CCDC110: variants seen among roughly 807,000 people sequenced by gnomAD.
CCDC110 encodes the protein coiled-coil domain containing 110, also known as coiled-coil domain-containing protein 110.
In CCDC110, 70 loss-of-function variants were observed where a neutral mutation model predicts 77.1. That is an observed-to-expected ratio of 0.91 (90% confidence interval 0.75 to 1.11). CCDC110 has a LOEUF of 1.11. CCDC110 is among the 50% of genes least tolerant of loss of function. The pLI is 0.00. For synonymous variants in CCDC110, 295 were observed against 312.5 expected (o/e 0.94, Z 0.59); for missense variants, 868 against 942.9 (o/e 0.92, Z 1.04).
At chr4:185,449,557 C>T (rs1002364970) in intron 6 of CCDC110, 8 of 1,309,242 alleles carry the variant, frequency 6.1e-6, no homozygotes, top group Non-Finnish European at 8.5e-6. Context: ...ATTTGACTTG[C>T]ACCTATAAAA....
chr4:185,453,625 G>A (rs550126392), intron 6 of CCDC110, among the ~76,000 whole-genome samples: 2 of 144,754 alleles, frequency 1.4e-5, no homozygotes, highest in Admixed American at 7.4e-5. Context: ...ATGGCTCACT[G>A]CAGCCTCAAC....
At chr4:185,467,128 G>T (rs888947796) in intron 2 of CCDC110, among the ~76,000 whole-genome samples, 1 of 152,232 alleles carries the variant, frequency 6.6e-6, no homozygotes, top group East Asian at 1.9e-4. Context: ...ATTTGAAGAA[G>T]AATTTTCTGT....
intron 6 of CCDC110, 21 bp downstream of exon 6, chr4:185,458,105 A>C (rs1408677185): frequency 1.3e-6 from 2 of 1,482,160 alleles, no homozygotes; most frequent in South Asian, 2.8e-5. Flanking sequence ...CATCTCTACT[A>C]ATCTACCAGG....
chr4:185,462,973 T>C lies in CCDC110; in HGVS notation c.171+21A>G, dbSNP rs201879897. 3.7e-5 allele frequency: 59 copies of C among 1,598,362 alleles called. No homozygotes were observed. In the Admixed American group the frequency reaches 3.8e-4, roughly 10 times the overall value. On this transcript the variant is annotated intron_variant, in intron 3 of 6. Coordinates refer to ENST00000307588, the MANE Select transcript of CCDC110 (RefSeq NM_152775.4). ...CCTTTACCCAGAATTTTGGAGATGA[T>C]AAAATGGAATATAGACTCACTTTCA...
chr4:185,459,224 G>T lies in CCDC110; in HGVS notation c.1363C>A (p.Leu455Ile), dbSNP rs749948631. The T allele has an allele frequency of 3.1e-6, 5 of 1,605,910 alleles. No individual in the cohort carries two copies. Among genetic ancestry groups the T allele is most frequent in the Non-Finnish European group, 4.2e-6 (5 of 1,177,700 alleles). The change falls in exon 6 of 7, where the codon CTT (leucine) becomes ATT (isoleucine). Residue 455 changes from leucine (L) to isoleucine (I), a missense_variant. Transcript: ENST00000307588. ...ATAAGAGGTTTCATTTTGGACTTAAGGTTTAGATTTTCACTCTCCAGTTCC... is the reference window on the plus strand; with the variant it reads ...ATAAGAGGTTTCATTTTGGACTTAATGTTTAGATTTTCACTCTCCAGTTCC... ...VMELESENLN[L>I]KSKMKPLIFT...
chr4:185,457,824 A>G, intron 6 of CCDC110: 1 of 1,390,600 alleles, frequency 7.2e-7, no homozygotes, highest in Non-Finnish European at 9.6e-7. Flanking sequence ...TCCTAGGGAA[A>G]AAAAAAAGAA....
intron 2 of CCDC110, among the ~76,000 whole-genome samples, chr4:185,467,298 A>C (rs2095658017): frequency 6.6e-6 from 1 of 152,216 alleles, no homozygotes; most frequent in African/African-American, 2.4e-5. Context: ...CTATTAACAT[A>C]ACTTTCTGTT....
Position 185,461,062 on chromosome 4 carries a change from A to G in CCDC110, c.335T>C (p.Ile112Thr), listed in dbSNP as rs1235133843. 1 of 1,550,772 alleles carries G rather than the reference A, an allele frequency of 6.4e-7. No individual in the cohort carries two copies. The highest frequency in any genetic ancestry group is 8.8e-7 in the Non-Finnish European group (1 of 1,138,190). Residue 112 changes from isoleucine to threonine, a missense_variant, in exon 5 of 7, where the codon ATT becomes ACT. Ile to Thr is a moderately conservative substitution (Grantham distance 89). Transcript: ENST00000307588. ...SEKNLVFGTR[I>T]EKDLPTENQE... Reference sequence around the variant, plus strand: ...AGAATAACATACCAAATCCTTTTCAATGCGCGTGCCAAACACCAGATTTTT... The same window carrying G: ...AGAATAACATACCAAATCCTTTTCAGTGCGCGTGCCAAACACCAGATTTTT...
In CCDC110 at chr4:185,458,146, G is replaced by C. The variant is rs1159817899; in HGVS notation, c.2441C>G (p.Pro814Arg). The C allele has an allele frequency of 1.9e-6, 3 of 1,568,618 alleles. No individual in the cohort carries two copies. Among genetic ancestry groups the C allele is most frequent in the Non-Finnish European group, 1.7e-6 (2 of 1,166,204 alleles). The change falls in exon 6 of 7, where the codon CCT becomes CGT. Residue 814 changes from proline (P) to arginine (R), a missense_variant. By Grantham distance (103) the Pro-to-Arg change is moderately radical (BLOSUM62 -2). Transcript: ENST00000307588. ...HEDTSSPQSR[P>R]LASDLKGYFK... ...CGTACCTTTCAAATCCGAAGCCAAA[G>C]GCCTACTCTGAGGACTAGAAGTATC...
chr4:185,457,052 G>T (rs1436479366), intron 6 of CCDC110: 4 of 311,180 alleles, frequency 1.3e-5, no homozygotes, highest in African/African-American at 6.6e-5. Flanking sequence ...TATATTAAAA[G>T]AATAATACAA....
At position 185,458,220 on chromosome 4, in the gene CCDC110, A is replaced by G; in HGVS notation, c.2367T>C (p.Thr789=). 1 of 1,605,176 alleles carries G rather than the reference A, an allele frequency of 6.2e-7. No individual in the cohort carries two copies. The highest frequency in any genetic ancestry group is 8.5e-7 in the Non-Finnish European group (1 of 1,177,656). ...CNQHNDPSKT[T]YISRREKFHF... is the part of the protein sequence containing the mutation. Reference sequence around the variant, plus strand: ...GGAATTTCTCTCTTCTTGAAATGTAAGTTGTTTTTGAAGGGTCATTATGCT... The same window carrying G: ...GGAATTTCTCTCTTCTTGAAATGTAGGTTGTTTTTGAAGGGTCATTATGCT... Residue 789 remains threonine (T), a synonymous_variant, in exon 6 of 7, where the codon ACT becomes ACC. Transcript: ENST00000307588.
intron 6 of CCDC110, among the ~76,000 whole-genome samples, chr4:185,446,344 G>A (rs1489513537): frequency 6.6e-6 from 1 of 152,144 alleles, no homozygotes; most frequent in African/African-American, 2.4e-5. Flanking sequence ...AGTTGATACT[G>A]TCTTAAAACT....
intron 6 of CCDC110, among the ~76,000 whole-genome samples, chr4:185,454,483 G>A (rs2095633452): frequency 6.6e-6 from 1 of 152,002 alleles, no homozygotes. Context: ...GGAGGCTGAG[G>A]CGGGAGGATC....
intron 4 of CCDC110, 100 bp downstream of exon 4, chr4:185,462,543 A>G: frequency 1.1e-6 from 1 of 888,454 alleles, no homozygotes; most frequent in East Asian, 2.5e-5. Context: ...ATTATATTAA[A>G]TTCTGTGTCA....
intron 1 of CCDC110, 46 bp downstream of exon 1, chr4:185,471,628 C>G: frequency 6.5e-7 from 1 of 1,550,130 alleles, no homozygotes; most frequent in Non-Finnish European, 8.7e-7. Context: ...CTGCTGCCCT[C>G]CGTTCCCGCG....
intron 6 of CCDC110, among the ~76,000 whole-genome samples, chr4:185,445,747 A>G (rs1480123284): frequency 2.6e-5 from 4 of 152,258 alleles, no homozygotes; most frequent in African/African-American, 9.6e-5. Context: ...TTATAAAAAC[A>G]GTAGTACATC....
At chr4:185,447,397 G>A (rs1447080328) in intron 6 of CCDC110, among the ~76,000 whole-genome samples, 2 of 151,888 alleles carry the variant, frequency 1.3e-5, no homozygotes, top group African/African-American at 4.8e-5. Context: ...AGCCAGGATG[G>A]ACTTGATCTC....
At chr4:185,469,706 C>T (rs1442607732) in intron 2 of CCDC110, among the ~76,000 whole-genome samples, 6 of 152,226 alleles carry the variant, frequency 3.9e-5, no homozygotes, top group African/African-American at 1.2e-4. Context: ...TCCTGCTGGC[C>T]TCCACTGGGG....
rs76026485 is a variant in CCDC110 at position 185,445,264 on chromosome 4, T to G, written c.*238A>C. ...TGTGGGTGACTTTAGACATCTCAGC[T>G]CCTTCCATGTACAGGTACCTGCCCT... On this transcript the variant is annotated 3_prime_UTR_variant, in exon 7 of 7. Transcript: ENST00000307588. The G allele has an allele frequency of 9.5e-3, 7,701 of 814,534 alleles. 56 individuals carry two copies. The highest frequency in any genetic ancestry group is 0.012 in the Non-Finnish European group (6,299 of 526,406). 50.5% of individuals were successfully genotyped at this position (814,534 alleles called of 1,614,324 possible).
Sources: allele counts gnomAD v4.1 joint callset (sites outside exome capture counted in the v4.1 genomes callset), GRCh38; gene constraint gnomAD v4.1.1; transcripts MANE v1.5; gene names NCBI Gene and HGNC (gene_info 2026-07-23, HGNC 2026-07-21).